MAGI1: variants seen among roughly 807,000 people sequenced by gnomAD.
MAGI1 encodes membrane-associated guanylate kinase, WW and PDZ domain-containing protein 1.
In MAGI1, 58 loss-of-function variants were observed where a neutral mutation model predicts 139.9. The observed-to-expected ratio is 0.41, with a 90% CI of 0.34 to 0.52. The LOEUF is 0.52. MAGI1 is among the 20% of genes least tolerant of loss of function. The probability of loss-of-function intolerance (pLI) is 0.12; values close to 1 mark genes in which losing one functional copy is unlikely to be tolerated. For synonymous variants in MAGI1, 812 were observed against 737.9 expected (o/e 1.10, Z -1.63); for missense variants, 1,874 against 1,901.6 (o/e 0.99, Z 0.27).
chr3:65,883,293 G>C (rs2060407582), intron 1 of MAGI1, among the ~76,000 whole-genome samples: 1 of 152,128 alleles, frequency 6.6e-6, no homozygotes, highest in African/African-American at 2.4e-5. Context: ...ACCTAAACAA[G>C]TTGAAAAAAA....
intron 1 of MAGI1, among the ~76,000 whole-genome samples, chr3:65,868,077 T>C (rs113578199): frequency 0.011 from 1,740 of 152,266 alleles, 33 homozygotes; most frequent in African/African-American, 0.04. Flanking sequence ...TTCTGGAAAG[T>C]TGGCCCTGTT....
chr3:65,530,709 A>G (rs2078630858), intron 2 of MAGI1, among the ~76,000 whole-genome samples: 1 of 141,058 alleles, frequency 7.1e-6, no homozygotes, highest in Non-Finnish European at 1.5e-5. Flanking sequence ...ACACATATAC[A>G]CGTGTATATA....
Position 65,356,977 on chromosome 3 carries a change from T to C in MAGI1, c.3790A>G (p.Arg1264Gly), listed in dbSNP as rs1278651137. Residue 1264 changes from arginine to glycine, a missense_variant, in exon 23 of 23, where the codon AGG (arginine) becomes GGG (glycine). Transcript: ENST00000402939. ...TACTCTCTGCTGCCTTTCGGATCCC[T>C]TGCGTGTGCCCGCTTTTCCCCATGT... is the stretch of plus-strand genomic sequence containing the variant. ...SPHGEKRAHA[R>G]DPKGSREYSR... is the part of the protein sequence containing the mutation. The C allele has an allele frequency of 2.5e-6, 4 of 1,614,144 alleles. No individual in the cohort carries two copies. Among genetic ancestry groups the C allele is most frequent in the African/African-American group, 1.3e-5 (1 of 75,062 alleles).
chr3:65,969,756 G>C (rs778686611), intron 1 of MAGI1, among the ~76,000 whole-genome samples: 3 of 152,196 alleles, frequency 2.0e-5, no homozygotes, highest in Non-Finnish European at 2.9e-5. Flanking sequence ...GCAGCCACTA[G>C]CCATATGGGG....
At position 65,667,879 on chromosome 3, in the gene MAGI1, T is replaced by C. The variant is rs200196891; in HGVS notation, c.314-45791A>G. Among the ~76,000 whole-genome samples, 14 of 152,274 alleles carry C rather than the reference T, an allele frequency of 9.2e-5. No homozygotes were observed. In the East Asian group the frequency reaches 2.5e-3, roughly 27 times the overall value. ...GCACCCAGCCAAGAAGAAACCAATT[T>C]TTTTTAACACTCCCACCTGCAGCTG... On this transcript the variant is annotated intron_variant, in intron 1 of 22. Transcript: ENST00000402939.
chr3:65,878,781 T>C (rs264704), intron 1 of MAGI1, among the ~76,000 whole-genome samples: 13,475 of 152,176 alleles, frequency 0.089, 1,938 homozygotes, highest in African/African-American at 0.3. Context: ...GCCCTGCTCC[T>C]GATCACAGCT....
intron 18 of MAGI1, among the ~76,000 whole-genome samples, chr3:65,374,831 A>T (rs569704855): frequency 6.6e-6 from 1 of 152,270 alleles, no homozygotes; most frequent in Admixed American, 6.5e-5. Context: ...TTTGAATTTA[A>T]CTAATCACAA....
chr3:65,729,487 T>G (rs2033972498), intron 1 of MAGI1, among the ~76,000 whole-genome samples: 1 of 152,164 alleles, frequency 6.6e-6, no homozygotes, highest in African/African-American at 2.4e-5. Context: ...ATACAGTCAT[T>G]TAAGATTTGG....
At chr3:65,687,756 A>T in intron 1 of MAGI1, 3 of 556,416 alleles carry the variant, frequency 5.4e-6, no homozygotes, top group Middle Eastern at 3.2e-4. Context: ...ATCCTTCTGA[A>T]GTTTTGACCA....
At chr3:65,753,112 G>A (rs1253737024) in intron 1 of MAGI1, among the ~76,000 whole-genome samples, 1 of 152,074 alleles carries the variant, frequency 6.6e-6, no homozygotes, top group Non-Finnish European at 1.5e-5. Flanking sequence ...AGGAACTTAC[G>A]TCATAGTGCA....
intron 22 of MAGI1, chr3:65,359,505 A>G (rs1045608832): frequency 8.7e-6 from 9 of 1,039,840 alleles, no homozygotes; most frequent in Non-Finnish European, 1.0e-5. Context: ...ACAAAAGAAC[A>G]AAATCCCTTC....
At chr3:65,937,426 T>C (rs1171683593) in intron 1 of MAGI1, among the ~76,000 whole-genome samples, 2 of 152,080 alleles carry the variant, frequency 1.3e-5, no homozygotes, top group Non-Finnish European at 2.9e-5. Context: ...GGAAATTGTT[T>C]AGAAGTCAGG....
intron 7 of MAGI1, 139 bp downstream of exon 7, chr3:65,447,883 C>G: frequency 9.9e-7 from 1 of 1,008,418 alleles, no homozygotes; most frequent in Non-Finnish European, 1.6e-6. Context: ...CTGACCTTTC[C>G]TGGATAAGCT....
intron 1 of MAGI1, among the ~76,000 whole-genome samples, chr3:65,761,781 C>T (rs2037053494): frequency 6.6e-6 from 1 of 152,114 alleles, no homozygotes; most frequent in Non-Finnish European, 1.5e-5. Flanking sequence ...CCTCTCAGTA[C>T]CACTCACTAG....
chr3:65,764,720 C>T lies in MAGI1; in HGVS notation c.314-142632G>A, dbSNP rs183884866. ...TTCTTTTTTTTTCTTTAAGCATCTTCTTTAGAATACAGTGAGAAAGTCGTG... is the reference window on the plus strand; with the variant it reads ...TTCTTTTTTTTTCTTTAAGCATCTTTTTTAGAATACAGTGAGAAAGTCGTG... On this transcript the variant is annotated intron_variant, in intron 1 of 22. Coordinates refer to ENST00000402939, the MANE Select transcript of MAGI1 (RefSeq NM_001033057.2). Among the ~76,000 whole-genome samples, 315 of 152,152 alleles carry T rather than the reference C, an allele frequency of 2.1e-3. 1 individual carries two copies. Among genetic ancestry groups the T allele is most frequent in the Middle Eastern group, 0.021 (6 of 292 alleles).
chr3:65,719,323 C>T (rs926843752), intron 1 of MAGI1, among the ~76,000 whole-genome samples: 1 of 150,820 alleles, frequency 6.6e-6, no homozygotes, highest in Non-Finnish European at 1.5e-5. Flanking sequence ...ATATATATAT[C>T]TGGGCTTACC....
At chr3:65,360,402 T>G in intron 22 of MAGI1, 6 of 957,092 alleles carry the variant, frequency 6.3e-6, no homozygotes, top group Non-Finnish European at 7.4e-6. Flanking sequence ...AAATAGGACA[T>G]AATTATTATC....
chr3:65,827,063 T>G (rs2042266843), intron 1 of MAGI1, among the ~76,000 whole-genome samples: 1 of 152,210 alleles, frequency 6.6e-6, no homozygotes, highest in East Asian at 1.9e-4. Flanking sequence ...TGGGGTTCAC[T>G]TTCTATAATC....
At chr3:65,719,122 G>C (rs946871012) in intron 1 of MAGI1, among the ~76,000 whole-genome samples, 1 of 151,214 alleles carries the variant, frequency 6.6e-6, no homozygotes, top group Non-Finnish European at 1.5e-5. Context: ...AAAACATTGT[G>C]TATTAATAAC....
Sources: gnomAD v4.1 joint callset for allele counts (sites outside exome capture counted in the v4.1 genomes callset) on GRCh38, gnomAD v4.1.1 for gene constraint, MANE v1.5 for transcripts, NCBI Gene and HGNC (gene_info 2026-07-23, HGNC 2026-07-21) for gene names.